GNB4: variants seen among roughly 807,000 people sequenced by gnomAD.
GNB4 encodes the protein G protein subunit beta 4, also known as guanine nucleotide-binding protein subunit beta-4.
GNB4 carries 28 observed loss-of-function variants against 45.2 expected under a neutral mutation model. The observed-to-expected ratio is 0.62, with a 90% confidence interval of 0.46 to 0.85. The LOEUF is 0.85. Ranked by LOEUF, GNB4 falls within the 40% of genes least tolerant of loss-of-function variation. The pLI, the probability that GNB4 is intolerant of heterozygous loss-of-function variation, is 0.00. For synonymous variants in GNB4, 132 were observed against 143.7 expected (o/e 0.92, Z 0.58); for missense variants, 321 against 425.4 (o/e 0.75, Z 2.16).
the GNB4 span, among the ~76,000 whole-genome samples, chr3:179,508,501 T>C: frequency 2.0e-5 from 3 of 152,202 alleles, no homozygotes; most frequent in African/African-American, 7.2e-5. Flanking sequence ...GAAAAGAAAC[T>C]GAAAAGATAA....
At chr3:179,488,708 T>C in the GNB4 span, among the ~76,000 whole-genome samples, 3 of 151,952 alleles carry the variant, frequency 2.0e-5, no homozygotes, top group African/African-American at 7.3e-5. Context: ...GTCTTGGCCA[T>C]GCATGGCGGT....
At chr3:179,527,081 C>T in the GNB4 span, among the ~76,000 whole-genome samples, 42 of 152,018 alleles carry the variant, frequency 2.8e-4, no homozygotes, top group Non-Finnish European at 3.7e-4. Context: ...GAAAGCAGGC[C>T]ACAGCTGGAG....
the GNB4 span, among the ~76,000 whole-genome samples, chr3:179,458,395 G>A: frequency 6.6e-6 from 1 of 152,234 alleles, no homozygotes; most frequent in Admixed American, 6.5e-5. Context: ...GGAAAACACA[G>A]CCCTTTGAAT....
Position 179,450,293 on chromosome 3 carries a change from C to A in GNB4, c.-43+1053G>T, listed in dbSNP as rs1715835345. ...AACAATGGCAGAGACTCGAAGCACA[C>A]AATTTTGAATGCACCTAATCAGCCG... On this transcript the variant is annotated intron_variant, in intron 1 of 9. Transcript: ENST00000232564. 3.3e-5 allele frequency among the ~76,000 whole-genome samples: 5 copies of A among 152,290 alleles called. No individual in the cohort carries two copies. In the South Asian group the frequency reaches 1.0e-3, roughly 32 times the overall value.
the GNB4 span, among the ~76,000 whole-genome samples, chr3:179,520,612 C>T: frequency 6.6e-6 from 1 of 152,196 alleles, no homozygotes; most frequent in African/African-American, 2.4e-5. Context: ...TTCTTCCTCC[C>T]ACCTGACGCA....
chr3:179,431,438 A>C (rs1012507942), intron 1 of GNB4, among the ~76,000 whole-genome samples: 4 of 152,030 alleles, frequency 2.6e-5, no homozygotes, highest in African/African-American at 9.7e-5. Flanking sequence ...AAACGCCTGT[A>C]ATCTCAGCTT....
At chr3:179,521,052 G>A in the GNB4 span, among the ~76,000 whole-genome samples, 1 of 152,236 alleles carries the variant, frequency 6.6e-6, no homozygotes, top group South Asian at 2.1e-4. Flanking sequence ...CATCAAACTC[G>A]GGGATTTGCC....
At chr3:179,520,080 C>T in the GNB4 span, among the ~76,000 whole-genome samples, 2 of 152,072 alleles carry the variant, frequency 1.3e-5, no homozygotes, top group Middle Eastern at 3.2e-3. Flanking sequence ...TGCCTCCCTT[C>T]ACAACCCATT....
intron 8 of GNB4, among the ~76,000 whole-genome samples, chr3:179,406,804 G>A (rs1346460510): frequency 5.3e-5 from 8 of 151,982 alleles, no homozygotes; most frequent in South Asian, 2.1e-4. Context: ...TAGTAGAGAC[G>A]GGGTTTCATT....
the GNB4 span, among the ~76,000 whole-genome samples, chr3:179,521,108 G>C: frequency 6.6e-6 from 1 of 152,124 alleles, no homozygotes; most frequent in East Asian, 1.9e-4. Flanking sequence ...CCCCAAGTCA[G>C]AAAACTAAAA....
intron 1 of GNB4, among the ~76,000 whole-genome samples, chr3:179,441,145 A>C (rs901030387): frequency 2.6e-5 from 4 of 152,250 alleles, no homozygotes; most frequent in African/African-American, 9.6e-5. Context: ...CCACCCCATC[A>C]GAAACATTCA....
At chr3:179,422,686 CAA>C (rs1715026403) in intron 2 of GNB4, among the ~76,000 whole-genome samples, 1 of 152,048 alleles carries the variant, frequency 6.6e-6, no homozygotes, top group African/African-American at 2.4e-5. Flanking sequence ...AAATTTAAAA[CAA>C]ATCATCTATT....
intron 1 of GNB4, among the ~76,000 whole-genome samples, chr3:179,431,515 C>T (rs567586193): frequency 8.7e-5 from 13 of 149,070 alleles, no homozygotes; most frequent in South Asian, 4.3e-4. Context: ...GCTGAGATTG[C>T]GCCACTGCAC....
At chr3:179,477,580 A>G in the GNB4 span, among the ~76,000 whole-genome samples, 27 of 152,278 alleles carry the variant, frequency 1.8e-4, no homozygotes, top group South Asian at 3.3e-3. Flanking sequence ...ACAACCACTT[A>G]AGAAGATTAC....
chr3:179,414,801 C>T (rs569502115), intron 6 of GNB4, 84 bp downstream of exon 6: 46 of 1,137,096 alleles, frequency 4.0e-5, no homozygotes, highest in African/African-American at 3.8e-4. Flanking sequence ...TTTAGCCAGC[C>T]GAGCACAATC....
chr3:179,410,118 T>C (rs9790192), intron 8 of GNB4, among the ~76,000 whole-genome samples: 28,008 of 152,184 alleles, frequency 0.18, 3,114 homozygotes, highest in East Asian at 0.35. Flanking sequence ...ATTGTAAGTT[T>C]CCTGAGGCCT....
the GNB4 span, among the ~76,000 whole-genome samples, chr3:179,488,057 A>C: frequency 6.6e-6 from 1 of 151,916 alleles, no homozygotes; most frequent in Non-Finnish European, 1.5e-5. Flanking sequence ...TCTCAAAAAA[A>C]AAAAAAATCC....
intron 2 of GNB4, 120 bp downstream of exon 2, chr3:179,426,024 G>GA: frequency 4.0e-6 from 3 of 751,950 alleles, no homozygotes; most frequent in Non-Finnish European, 4.3e-6. Context: ...CCATGTGAGA[G>GA]AAAAAAAGAC....
intron 5 of GNB4, among the ~76,000 whole-genome samples, 189 bp from the exon 6 acceptor site, chr3:179,415,236 T>C (rs752559936): frequency 6.6e-6 from 1 of 152,210 alleles, no homozygotes; most frequent in Non-Finnish European, 1.5e-5. Context: ...AAAATGCCTA[T>C]TGTTTTGTAT....
Sources: gnomAD v4.1 joint callset for allele counts (sites outside exome capture counted in the v4.1 genomes callset) on GRCh38, gnomAD v4.1.1 for gene constraint, MANE v1.5 for transcripts, NCBI Gene and HGNC (gene_info 2026-07-23, HGNC 2026-07-21) for gene names.